The following CHST13 variants were observed in gnomAD, a reference collection of about 807,000 sequenced individuals.
CHST13 encodes the protein carbohydrate sulfotransferase 13.
A neutral mutation model predicts 7.0 loss-of-function variants in CHST13; 1 was observed. That is an observed-to-expected ratio of 0.14 (90% CI 0.05 to 0.68). The LOEUF is 0.68. Among genes scored for constraint, CHST13 ranks in the 30% least tolerant of loss-of-function variants. CHST13 has a pLI of 0.82. For missense variants in CHST13, 572 were observed against 507.9 expected (o/e 1.13, Z -1.21); for synonymous variants, 257 against 240.9 (o/e 1.07, Z -0.62).
At position 126,536,392 on chromosome 3, in the gene CHST13, C is replaced by T. The variant is rs1246274179; in HGVS notation, c.180+39C>T. 5 of 1,523,158 alleles carry T rather than the reference C, an allele frequency of 3.3e-6. No homozygotes were observed. In the Admixed American group the frequency reaches 5.1e-5, roughly 15 times the overall value. The allele number at this position is 1,523,158 out of a possible 1,614,324, so 94.4% of individuals were successfully genotyped here. ...CCCTCGACCCAGGCATGCCCCCCTCCATCCCAGCCAGGAGCCTGACAGCAA... is the reference window on the plus strand; with the variant it reads ...CCCTCGACCCAGGCATGCCCCCCTCTATCCCAGCCAGGAGCCTGACAGCAA... On this transcript the variant is annotated intron_variant, in intron 2 of 2. Transcript: ENST00000319340.
At position 126,542,493 on chromosome 3, in the gene CHST13, T is replaced by G; in HGVS notation, c.941T>G (p.Phe314Cys). The G allele has an allele frequency of 6.3e-7, 1 of 1,580,902 alleles. No individual in the cohort carries two copies. The highest frequency in any genetic ancestry group is 1.7e-4 in the Middle Eastern group (1 of 5,936). The change falls in exon 3 of 3, where the codon TTC (phenylalanine) becomes TGC (cysteine). Residue 314 changes from phenylalanine to cysteine, a missense_variant. By Grantham distance (205) the Phe-to-Cys change is radical. Coordinates refer to ENST00000319340, the MANE Select transcript of CHST13 (RefSeq NM_152889.3). ...AARLFRDISP[F>C]YQRRLFDLYK... Reference sequence around the variant, plus strand: ...CGCCTCTTCCGGGACATCAGCCCCTTCTACCAGCGGCGCCTCTTCGACCTC... The same window carrying G: ...CGCCTCTTCCGGGACATCAGCCCCTGCTACCAGCGGCGCCTCTTCGACCTC...
At chr3:126,530,827 G>A (rs1300764478) in intron 1 of CHST13, among the ~76,000 whole-genome samples, 1 of 152,266 alleles carries the variant, frequency 6.6e-6, no homozygotes, top group Non-Finnish European at 1.5e-5. Flanking sequence ...CAGTGGCCTG[G>A]AGACACAGGT....
At chr3:126,537,261 GAGGAAAC>G (rs1436745801) in intron 2 of CHST13, among the ~76,000 whole-genome samples, 1 of 152,256 alleles carries the variant, frequency 6.6e-6, no homozygotes, top group Non-Finnish European at 1.5e-5. Flanking sequence ...GCCACAGGCA[GAGGAAAC>G]AGCTGTGCCA....
At chr3:126,529,055 C>A (rs150795824) in intron 1 of CHST13, 1 of 355,008 alleles carries the variant, frequency 2.8e-6, no homozygotes, top group Non-Finnish European at 5.6e-6. Flanking sequence ...TAACCAGAAG[C>A]CGAGTGTCAT....
At chr3:126,529,279 G>A in intron 1 of CHST13, 1 of 1,270,344 alleles carries the variant, frequency 7.9e-7, no homozygotes, top group Non-Finnish European at 1.0e-6. Flanking sequence ...CGGGTGTCCT[G>A]TGTGCAGCAA....
intron 1 of CHST13, among the ~76,000 whole-genome samples, chr3:126,531,836 C>A (rs1459634907): frequency 1.3e-5 from 2 of 152,162 alleles, no homozygotes. Flanking sequence ...AGAGGAATTG[C>A]TGGGTTGCAT....
rs774530822 is a variant in CHST13, at chr3:126,542,070, T to C, written c.518T>C (p.Val173Ala). 90 of 1,584,278 alleles carry C rather than the reference T, an allele frequency of 5.7e-5. No individual in the cohort carries two copies. In the South Asian group the frequency reaches 9.2e-4, roughly 16 times the overall value. ...CGCGCCTACTTGGCCTTCCTGTTCG[T>C]GCGGGAGCCCTTCGAGCGCCTGGCA... is the stretch of plus-strand genomic sequence containing the variant. ...RLRAYLAFLFVREPFERLASA... is the reference protein window; with the variant it reads ...RLRAYLAFLFAREPFERLASA... Residue 173 changes from valine (V) to alanine (A), a missense_variant, in exon 3 of 3, where the codon GTG (valine) becomes GCG (alanine). By Grantham distance (64) the Val-to-Ala change is moderately conservative (BLOSUM62 0). Coordinates refer to ENST00000319340, the MANE Select transcript of CHST13 (RefSeq NM_152889.3).
At chr3:126,534,576 C>G (rs895221683) in intron 1 of CHST13, among the ~76,000 whole-genome samples, 6 of 151,076 alleles carry the variant, frequency 4.0e-5, no homozygotes, top group Admixed American at 6.6e-5. Flanking sequence ...AGGAGAGAGA[C>G]ACACACAGAG....
intron 1 of CHST13, among the ~76,000 whole-genome samples, chr3:126,533,458 C>T (rs1334908353): frequency 2.0e-5 from 3 of 152,116 alleles, no homozygotes; most frequent in Admixed American, 6.5e-5. Flanking sequence ...TTGTCCTATG[C>T]TTTTTCTGCA....
chr3:126,529,682 C>T (rs1038597075), intron 1 of CHST13, among the ~76,000 whole-genome samples: 9 of 152,140 alleles, frequency 5.9e-5, no homozygotes, highest in African/African-American at 2.2e-4. Context: ...TCTCTTTCTC[C>T]CAGCCTCGGG....
intron 1 of CHST13, 101 bp downstream of exon 1, chr3:126,524,530 T>C: frequency 2.6e-6 from 1 of 389,996 alleles, no homozygotes; most frequent in Non-Finnish European, 4.4e-6. Context: ...ACACCTGTTG[T>C]CTCCTTCCTG....
At chr3:126,541,607 C>T (rs865862437) in intron 2 of CHST13, 126 bp from the exon 3 acceptor site, 3 of 863,514 alleles carry the variant, frequency 3.5e-6, no homozygotes, top group African/African-American at 1.8e-5. Flanking sequence ...CCCTGGGGTT[C>T]GAATTTGGGT....
In CHST13 at chr3:126,541,361, G is replaced by A. The variant is rs111434418; in HGVS notation, c.181-372G>A. 1.4e-3 allele frequency among the ~76,000 whole-genome samples: 212 copies of A among 152,290 alleles called. 1 individual carries two copies. The highest frequency in any genetic ancestry group is 0.014 in the Middle Eastern group (4 of 294). On this transcript the variant is annotated intron_variant, in intron 2 of 2. Coordinates refer to ENST00000319340, the MANE Select transcript of CHST13 (RefSeq NM_152889.3). ...TCAATTGGGTGTGGAATTAAACAGCGCTGCTTCTTATGCAGCCTCCTGCTT... is the reference window on the plus strand; with the variant it reads ...TCAATTGGGTGTGGAATTAAACAGCACTGCTTCTTATGCAGCCTCCTGCTT...
chr3:126,526,070 T>G (rs1481486147), intron 1 of CHST13, among the ~76,000 whole-genome samples: 1 of 152,192 alleles, frequency 6.6e-6, no homozygotes, highest in Non-Finnish European at 1.5e-5. Context: ...TCTCTCTGTT[T>G]CTGTCAAGCG....
chr3:126,542,005 AC>A lies in CHST13; in HGVS notation c.454del (p.Leu152TrpfsTer135). ...EAHAPGRLPSLADFSPAEINR... is the reference protein window; with the variant it reads ...EAHAPGRLPSXADFSPAEINR... Reference sequence around the variant, plus strand: ...CGCACGCGCCTGGCCGCCTGCCCTCACTGGCCGACTTCAGCCCCGCCGAGAT... The same window carrying A: ...CGCACGCGCCTGGCCGCCTGCCCTCATGGCCGACTTCAGCCCCGCCGAGAT... On this transcript the variant is annotated frameshift_variant, in exon 3 of 3. Coordinates refer to ENST00000319340, the MANE Select transcript of CHST13 (RefSeq NM_152889.3). LOFTEE classifies it low-confidence loss of function (END_TRUNC). 1 of 1,560,394 alleles carries A rather than the reference AC, an allele frequency of 6.4e-7. No individual in the cohort carries two copies. Among genetic ancestry groups the A allele is most frequent in the East Asian group, 2.4e-5 (1 of 41,940 alleles).
chr3:126,536,212 C>G, intron 1 of CHST13, 59 bp from the exon 2 acceptor site: 2 of 1,505,268 alleles, frequency 1.3e-6, no homozygotes. Context: ...TGGCCAAACC[C>G]CCAGGTCCAT....
intron 1 of CHST13, among the ~76,000 whole-genome samples, chr3:126,530,163 A>G (rs960506802): frequency 1.3e-5 from 2 of 152,178 alleles, no homozygotes; most frequent in Non-Finnish European, 2.9e-5. Flanking sequence ...GCCCGTCTGC[A>G]GGGCCCAGGC....
chr3:126,542,266 G>A lies in CHST13; in HGVS notation c.714G>A (p.Arg238=). 1 of 1,557,332 alleles carries A rather than the reference G, an allele frequency of 6.4e-7. No homozygotes were observed. The highest frequency in any genetic ancestry group is 8.6e-7 in the Non-Finnish European group (1 of 1,158,020). ...CCTACCTGCTGGACCCGCGCACGCG[G>A]CGTGAGGAGCCCTTCAACGAGCACT... The part of the protein sequence containing the change: ...FLAYLLDPRT[R]REEPFNEHWE... The change falls in exon 3 of 3, where the codon CGG becomes CGA. Residue 238 remains arginine, a synonymous_variant. Transcript: ENST00000319340.
chr3:126,534,730 C>G (rs1254869151), intron 1 of CHST13, among the ~76,000 whole-genome samples: 2 of 149,422 alleles, frequency 1.3e-5, no homozygotes, highest in African/African-American at 5.0e-5. Context: ...GACAGACAGA[C>G]AGCATCCCTG....
Sources: allele counts gnomAD v4.1 joint callset (sites outside exome capture counted in the v4.1 genomes callset), GRCh38; gene constraint gnomAD v4.1.1; transcripts MANE v1.5; gene names NCBI Gene and HGNC (gene_info 2026-07-23, HGNC 2026-07-21).